The following IL13RA1 variants were observed in gnomAD, a reference collection of about 807,000 sequenced individuals.
IL13RA1 encodes the protein interleukin-13 receptor subunit alpha-1.
IL13RA1 carries 14 observed loss-of-function variants against 33.8 expected under a neutral mutation model. The observed-to-expected ratio is 0.41, with a 90% confidence interval of 0.27 to 0.65. IL13RA1 has a LOEUF of 0.65. IL13RA1 is among the 30% of genes least tolerant of loss of function. IL13RA1 has a pLI of 0.28. For synonymous variants in IL13RA1, 116 were observed against 115.7 expected, an observed-to-expected ratio of 1.00 and a Z score of -0.02; for missense variants, 313 against 327.0, an observed-to-expected ratio of 0.96 and a Z score of 0.33.
Position 118,766,555 on chromosome X carries a change from C to A in IL13RA1, c.854C>A (p.Pro285Gln). The change falls in exon 7 of 11, where the codon CCA becomes CAA. Residue 285 changes from proline to glutamine, a missense_variant. Physicochemically the swap from Pro to Gln is moderately conservative, Grantham distance 76 (BLOSUM62 -1). Transcript: ENST00000371666. ...FYVQEAKCEN[P>Q]EFERNVENTS... Reference sequence around the variant, plus strand: ...GTCCAAGAGGCTAAATGTGAGAATCCAGAATTTGAGAGAAATGTGGAGGTC... The same window carrying A: ...GTCCAAGAGGCTAAATGTGAGAATCAAGAATTTGAGAGAAATGTGGAGGTC... 1 of 1,069,245 alleles carries A rather than the reference C, an allele frequency of 9.4e-7. No individual in the cohort carries two copies. The highest frequency in any genetic ancestry group is 1.9e-5 in the South Asian group (1 of 52,687). 88.1% of individuals were successfully genotyped at this position (1,069,245 alleles called of 1,213,427 possible). A position where few individuals can be genotyped will look rare whatever the true frequency, so the allele number is the denominator to read the frequency against.
At chrX:118,757,206 A>G (rs763003860) in intron 4 of IL13RA1, among the ~76,000 whole-genome samples, 2 of 111,638 alleles carry the variant, frequency 1.8e-5, no homozygotes, top group African/African-American at 3.3e-5. Flanking sequence ...TGTAGTCTCT[A>G]TAGCTGCTGA....
chrX:118,768,716 T>A (rs1485431889), intron 8 of IL13RA1, among the ~76,000 whole-genome samples: 1 of 110,856 alleles, frequency 9.0e-6, no homozygotes, highest in Non-Finnish European at 1.9e-5. Context: ...AAGAAAGCCA[T>A]GTGAAGATGG....
At position 118,739,504 on chromosome X, in the gene IL13RA1, GTAAT is replaced by G. The variant is rs760115980; in HGVS notation, c.89-1508_89-1505del. Among the ~76,000 whole-genome samples the G allele has an allele frequency of 1.5e-4, 17 of 112,164 alleles. No individual in the cohort carries two copies. The East Asian group carries it at 4.2e-3, about 28-fold the overall frequency. On this transcript the variant is annotated intron_variant, in intron 1 of 10. Transcript: ENST00000371666. The stretch of plus-strand genomic sequence containing the variant: ...AAATTACTATTACTATAATCCTTAA[GTAAT>G]TAATAATGGTTCCGTTCATCACTTT...
chrX:118,773,064 T>G (rs1196936789), intron 8 of IL13RA1, among the ~76,000 whole-genome samples: 2 of 112,638 alleles, frequency 1.8e-5, no homozygotes, highest in African/African-American at 6.4e-5. Context: ...AGAGAAATTT[T>G]TATTATGAAT....
intron 8 of IL13RA1, chrX:118,770,491 A>G (rs1373325724): frequency 6.2e-6 from 3 of 487,197 alleles, no homozygotes; most frequent in Non-Finnish European, 1.1e-5. Flanking sequence ...CGACAAGCTC[A>G]GCCCCATCCC....
At chrX:118,740,608 T>C (rs2017332219) in intron 1 of IL13RA1, among the ~76,000 whole-genome samples, 1 of 111,510 alleles carries the variant, frequency 9.0e-6, no homozygotes, top group Non-Finnish European at 1.9e-5. Flanking sequence ...GCCTGGCCAG[T>C]GTGGCAAAAA....
intron 1 of IL13RA1, among the ~76,000 whole-genome samples, chrX:118,731,515 T>A (rs2489867): frequency 0.17 from 17,913 of 105,878 alleles, 1,487 homozygotes; most frequent in East Asian, 0.4. Context: ...AGGCAGAGTT[T>A]GCAGTGAGCT....
In IL13RA1 at chrX:118,794,359, T is replaced by C. The variant is rs1445011960; in HGVS notation, c.*2505T>C. 1 of 112,343 alleles carries C rather than the reference T, an allele frequency of 8.9e-6. No homozygotes were observed. The highest frequency in any genetic ancestry group is 1.9e-5 in the Non-Finnish European group (1 of 53,224). 9.3% of individuals were successfully genotyped at this position (112,343 alleles called of 1,213,427 possible). ...TCCTAACATACCTAAGCAAACCCAG[T>C]GTCAGGATGGTAATTCTTATTCTTT... On this transcript the variant is annotated 3_prime_UTR_variant, in exon 11 of 11. Transcript: ENST00000371666.
At chrX:118,771,241 G>T (rs930432367) in intron 8 of IL13RA1, among the ~76,000 whole-genome samples, 2 of 104,763 alleles carry the variant, frequency 1.9e-5, no homozygotes, top group African/African-American at 3.5e-5. Flanking sequence ...CAGGCAGCTG[G>T]CAAGTGGTTC....
the IL13RA1 span, among the ~76,000 whole-genome samples, chrX:118,800,956 A>G: frequency 2.7e-5 from 3 of 110,467 alleles, no homozygotes; most frequent in Non-Finnish European, 5.7e-5. Context: ...TCAGCTGTTA[A>G]TTTTTATTTT....
chrX:118,756,705 GA>G (rs2017534067), intron 4 of IL13RA1, among the ~76,000 whole-genome samples: 1 of 111,667 alleles, frequency 9.0e-6, no homozygotes, highest in Non-Finnish European at 1.9e-5. Flanking sequence ...AGAGGTGGGG[GA>G]AAAGGTGATT....
chrX:118,791,142 T>TA (rs541356995), intron 10 of IL13RA1, among the ~76,000 whole-genome samples: 53 of 110,795 alleles, frequency 4.8e-4, no homozygotes, highest in Non-Finnish European at 8.3e-4. Flanking sequence ...CAAGTAAAAG[T>TA]AAAAAAAAGG....
intron 1 of IL13RA1, among the ~76,000 whole-genome samples, chrX:118,734,078 A>G (rs1164102103): frequency 9.0e-6 from 1 of 111,603 alleles, no homozygotes; most frequent in Non-Finnish European, 1.9e-5. Context: ...CCGTTTCAAG[A>G]CTGTTTGGCT....
chrX:118,759,304 T>G (rs1240220139), intron 5 of IL13RA1, among the ~76,000 whole-genome samples: 1 of 112,248 alleles, frequency 8.9e-6, no homozygotes, highest in Non-Finnish European at 1.9e-5. Flanking sequence ...TCTCCCTCTA[T>G]CTAAAAAAAT....
At chrX:118,801,177 A>C in the IL13RA1 span, among the ~76,000 whole-genome samples, 1 of 112,831 alleles carries the variant, frequency 8.9e-6, no homozygotes, top group Non-Finnish European at 1.9e-5. Flanking sequence ...TACTAATTGG[A>C]AACAATTTCC....
At chrX:118,784,895 T>G (rs1453426085) in intron 10 of IL13RA1, among the ~76,000 whole-genome samples, 1 of 111,968 alleles carries the variant, frequency 8.9e-6, no homozygotes, top group African/African-American at 3.2e-5. Context: ...ATTAAAACAC[T>G]TGGTCTTTTT....
chrX:118,738,470 G>A (rs970088077), intron 1 of IL13RA1, among the ~76,000 whole-genome samples: 20 of 111,575 alleles, frequency 1.8e-4, no homozygotes, highest in Admixed American at 5.7e-4. Flanking sequence ...GAGAACATGC[G>A]GTATTTGGTT....
intron 10 of IL13RA1, among the ~76,000 whole-genome samples, chrX:118,787,917 G>T (rs1457861910): frequency 9.0e-6 from 1 of 111,563 alleles, no homozygotes; most frequent in East Asian, 2.8e-4. Context: ...AATTTGTGCA[G>T]TTAATGCAAT....
rs1003572898 is a variant in IL13RA1 at position 118,749,894 on chromosome X, A to T, written c.488+116A>T. On this transcript the variant is annotated intron_variant, in intron 4 of 10. Coordinates refer to ENST00000371666, the MANE Select transcript of IL13RA1 (RefSeq NM_001560.3). ...TAATTTTTTCTGCAAACTCAACAAG[A>T]TGGACAGTTTGCTTCAATGAAAAAT... The T allele has an allele frequency of 1.0e-5, 5 of 476,303 alleles. No homozygotes were observed. The African/African-American group carries it at 1.2e-4, about 11-fold the overall frequency. The allele number at this position is 476,303 out of a possible 1,213,427, so 39.3% of individuals were successfully genotyped here.
Sources: gnomAD v4.1 joint callset for allele counts (sites outside exome capture counted in the v4.1 genomes callset) on GRCh38, gnomAD v4.1.1 for gene constraint, MANE v1.5 for transcripts, NCBI Gene and HGNC (gene_info 2026-07-23, HGNC 2026-07-21) for gene names.